The following CNGB3 variants were observed in gnomAD, a reference collection of about 807,000 sequenced individuals.
The protein encoded by CNGB3 is cyclic nucleotide-gated channel beta-3.
In CNGB3, 86 loss-of-function variants were observed where a neutral mutation model predicts 92.8. That is an observed-to-expected ratio of 0.93 (90% confidence interval 0.78 to 1.11). The LOEUF (loss-of-function observed/expected upper bound fraction) is 1.11. Among genes scored for constraint, CNGB3 ranks in the 50% least tolerant of loss-of-function variants. CNGB3 has a pLI of 0.00. For missense variants in CNGB3, 1,026 were observed against 956.8 expected (o/e 1.07, Z -0.95); for synonymous variants, 333 against 332.7 (o/e 1.00, Z -0.01).
At chr8:86,632,515 C>A (rs1341090849) in intron 11 of CNGB3, among the ~76,000 whole-genome samples, 1 of 152,110 alleles carries the variant, frequency 6.6e-6, no homozygotes, top group Non-Finnish European at 1.5e-5. Flanking sequence ...ACAACTTTCT[C>A]TGAGAGTTCA....
At chr8:86,602,822 T>C (rs1044927401) in intron 15 of CNGB3, among the ~76,000 whole-genome samples, 2 of 152,200 alleles carry the variant, frequency 1.3e-5, no homozygotes, top group African/African-American at 4.8e-5. Flanking sequence ...TCAGAGTGTG[T>C]CATTCTTTTG....
chr8:86,623,176 T>C (rs1822775527), intron 13 of CNGB3, among the ~76,000 whole-genome samples: 3 of 152,290 alleles, frequency 2.0e-5, no homozygotes, highest in South Asian at 2.1e-4. Flanking sequence ...AATACACCAA[T>C]ATGCTGACAG....
rs371827109 is a variant in CNGB3 at position 86,668,060 on chromosome 8, A to G, written c.602T>C (p.Leu201Ser). The change falls in exon 5 of 18, where the codon TTA (leucine) becomes TCA (serine). Residue 201 changes from leucine to serine, a missense_variant. Transcript: ENST00000320005. ...KVKKMPLTEY[L>S]KRIKLPNSID... ...GCTGTTTGGAAGTTTAATTCGCTTT[A>G]AGTACTCTGTTAAAGGCATCTTTTT... 4.3e-6 allele frequency: 7 copies of G among 1,614,020 alleles called. No homozygotes were observed. Among genetic ancestry groups the G allele is most frequent in the Non-Finnish European group, 5.9e-6 (7 of 1,179,990 alleles).
rs768096140 is a variant in CNGB3, at chr8:86,643,731, C to T, written c.1178+20G>A. The T allele has an allele frequency of 1.7e-5, 27 of 1,602,128 alleles. No individual in the cohort carries two copies. In the East Asian group the frequency reaches 5.4e-4, roughly 32 times the overall value. On this transcript the variant is annotated intron_variant, in intron 10 of 17. Coordinates refer to ENST00000320005, the MANE Select transcript of CNGB3 (RefSeq NM_019098.5). ...TGTTAAAAATAATCAATAAAGGTTT[C>T]TTTCAAAATCAGAACTTACTCGTTT...
intron 13 of CNGB3, among the ~76,000 whole-genome samples, chr8:86,620,909 T>C (rs55762270): frequency 1.7e-5 from 1 of 59,562 alleles, no homozygotes; most frequent in Non-Finnish European, 3.7e-5. Flanking sequence ...AAAAAAAAAG[T>C]TTTTTTCATG....
chr8:86,635,533 T>G (rs1281846516), intron 10 of CNGB3, among the ~76,000 whole-genome samples: 1 of 152,018 alleles, frequency 6.6e-6, no homozygotes, highest in Non-Finnish European at 1.5e-5. Context: ...TATTAAATAG[T>G]CTGCTATGTT....
rs550008520 is a variant in CNGB3, at chr8:86,618,051, G to A, written c.1579-6380C>T. Among the ~76,000 whole-genome samples the A allele has an allele frequency of 5.4e-4, 82 of 152,228 alleles. 1 individual carries two copies. The highest frequency in any genetic ancestry group is 1.9e-3 in the African/African-American group (78 of 41,546). On this transcript the variant is annotated intron_variant, in intron 13 of 17. Transcript: ENST00000320005. ...ATGGGAGACAGTGAGGAATTACCAG[G>A]CATTAGATTCTCATAAGGCAAGTGC...
At chr8:86,633,607 AT>A (rs1320714796) in intron 10 of CNGB3, among the ~76,000 whole-genome samples, 1 of 152,186 alleles carries the variant, frequency 6.6e-6, no homozygotes, top group Non-Finnish European at 1.5e-5. Flanking sequence ...TAGTTGTCAC[AT>A]TGTATTTGTC....
In CNGB3 at chr8:86,575,809, G is replaced by A. The variant is rs961305731; in HGVS notation, c.2425C>T (p.Gln809Ter). The A allele has an allele frequency of 1.2e-6, 2 of 1,612,994 alleles. No individual in the cohort carries two copies. The highest frequency in any genetic ancestry group is 2.7e-5 in the African/African-American group (2 of 74,858). Residue 809 changes from glutamine (Q) to a stop codon, truncating the protein, a stop_gained, in exon 18 of 18, where the codon CAA (glutamine) becomes TAA (stop). Coordinates refer to ENST00000320005, the MANE Select transcript of CNGB3 (RefSeq NM_019098.5). LOFTEE classifies it high-confidence loss of function. ...ATCTAAAGATAATCAAACATTTATT[G>A]CTTAGCCTTTTCTTTGACTTCAATA... Reference protein sequence around the residue: ...LTIEVKEKAKQ With the variant: ...LTIEVKEKAK
chr8:86,673,954 C>G (rs574422282), intron 3 of CNGB3, among the ~76,000 whole-genome samples: 2 of 152,134 alleles, frequency 1.3e-5, no homozygotes, highest in Non-Finnish European at 2.9e-5. Context: ...GTGTATAACA[C>G]CATCATAGAC....
At chr8:86,675,889 A>G (rs1485436564) in intron 3 of CNGB3, among the ~76,000 whole-genome samples, 1 of 152,224 alleles carries the variant, frequency 6.6e-6, no homozygotes. Flanking sequence ...ACAAAATTGT[A>G]TAATTAACAA....
chr8:86,644,836 C>G (rs763361534), intron 8 of CNGB3, 150 bp from the exon 9 acceptor site: 1 of 510,436 alleles, frequency 2.0e-6, no homozygotes, highest in Non-Finnish European at 2.9e-6. Context: ...TGATATTTTC[C>G]TCTGGACAGT....
chr8:86,660,289 T>C (rs1215302071), intron 6 of CNGB3: 2 of 327,618 alleles, frequency 6.1e-6, no homozygotes, highest in African/African-American at 2.3e-5. Context: ...TCTTCAGACA[T>C]CACAGGCAGG....
intron 15 of CNGB3, among the ~76,000 whole-genome samples, chr8:86,586,799 G>A (rs1337359344): frequency 2.8e-5 from 4 of 141,324 alleles, no homozygotes; most frequent in Admixed American, 2.8e-4. Flanking sequence ...ATAAACATAC[G>A]TGTGCATGTG....
At chr8:86,715,220 T>C (rs963876029) in intron 3 of CNGB3, among the ~76,000 whole-genome samples, 5 of 152,056 alleles carry the variant, frequency 3.3e-5, no homozygotes, top group Non-Finnish European at 7.4e-5. Context: ...CACCACCTCC[T>C]GACTGGAAGC....
intron 3 of CNGB3, 79 bp downstream of exon 3, chr8:86,726,452 G>A: frequency 6.4e-7 from 1 of 1,574,162 alleles, no homozygotes; most frequent in Non-Finnish European, 8.7e-7. Context: ...CAGCTAAAGG[G>A]GAGAGTGGAT....
intron 15 of CNGB3, among the ~76,000 whole-genome samples, chr8:86,581,971 A>C (rs1334967199): frequency 6.6e-6 from 1 of 152,172 alleles, no homozygotes. Flanking sequence ...CTCAGTCCAT[A>C]TTATTTGTTA....
chr8:86,625,879 T>G, intron 13 of CNGB3, 104 bp downstream of exon 13: 1 of 913,748 alleles, frequency 1.1e-6, no homozygotes, highest in Non-Finnish European at 1.8e-6. Flanking sequence ...TATTTTGACT[T>G]TGTTAAAACA....
chr8:86,593,063 A>G (rs1341319302), intron 15 of CNGB3, among the ~76,000 whole-genome samples: 1 of 151,090 alleles, frequency 6.6e-6, no homozygotes, highest in Non-Finnish European at 1.5e-5. Flanking sequence ...AACACATGTT[A>G]GCCTAGATTT....
Sources: gnomAD v4.1 joint callset for allele counts (sites outside exome capture counted in the v4.1 genomes callset) on GRCh38, gnomAD v4.1.1 for gene constraint, MANE v1.5 for transcripts, NCBI Gene and HGNC (gene_info 2026-07-23, HGNC 2026-07-21) for gene names.